Variants in LZTFL1 observed in about 807,000 individuals in gnomAD.
LZTFL1 encodes leucine zipper transcription factor-like protein 1.
Under a neutral mutation model 45.9 loss-of-function variants are expected in LZTFL1, and 25 were observed. The ratio of observed to expected loss-of-function variants is 0.54; its 90% CI spans 0.40 to 0.76. LZTFL1 has a LOEUF of 0.76. LZTFL1 is among the 30% of genes least tolerant of loss of function. The probability of loss-of-function intolerance (pLI) is 0.00; values close to 1 mark genes in which losing one functional copy is unlikely to be tolerated. For synonymous variants in LZTFL1, 93 were observed against 117.4 expected (o/e 0.79, Z 1.35); for missense variants, 277 against 331.1 (o/e 0.84, Z 1.27).
chr3:45,826,755 T>A (rs746646898), intron 9 of LZTFL1, among the ~76,000 whole-genome samples: 1 of 152,224 alleles, frequency 6.6e-6, no homozygotes, highest in East Asian at 1.9e-4. Context: ...AAACATCTGA[T>A]GACCACATCT....
chr3:45,895,379 T>C (rs987832831), intron 2 of LZTFL1, among the ~76,000 whole-genome samples: 1 of 152,218 alleles, frequency 6.6e-6, no homozygotes, highest in Non-Finnish European at 1.5e-5. Flanking sequence ...CACGTAACAG[T>C]ATACATTCCC....
At chr3:45,855,967 C>T (rs907517774) in intron 3 of LZTFL1, among the ~76,000 whole-genome samples, 6 of 152,074 alleles carry the variant, frequency 3.9e-5, no homozygotes, top group Non-Finnish European at 7.4e-5. Flanking sequence ...TGAAAATGGC[C>T]ATACTGTCCA....
Position 45,823,372 on chromosome 3 carries a change from G to C in LZTFL1, c.*2942C>G, listed in dbSNP as rs1465161431. ...TGTAAAAGTTAAAGGATGTATTATAGGCAAAAAAGAGAGGAAGTTATACTT... is the reference window on the plus strand; with the variant it reads ...TGTAAAAGTTAAAGGATGTATTATACGCAAAAAAGAGAGGAAGTTATACTT... On this transcript the variant is annotated 3_prime_UTR_variant, in exon 10 of 10. Transcript: ENST00000296135. 1 of 151,846 alleles carries C rather than the reference G, an allele frequency of 6.6e-6. No individual in the cohort carries two copies. Among genetic ancestry groups the C allele is most frequent in the African/African-American group, 2.4e-5 (1 of 41,352 alleles). 9.4% of individuals were successfully genotyped at this position (151,846 alleles called of 1,614,324 possible). A position where few individuals can be genotyped will look rare whatever the true frequency, so the allele number is the denominator to read the frequency against.
At chr3:45,854,595 A>G (rs946984696) in intron 4 of LZTFL1, 9 of 154,912 alleles carry the variant, frequency 5.8e-5, no homozygotes, top group Non-Finnish European at 1.1e-4. Context: ...TGCATCCCCA[A>G]CCACACTTCT....
At chr3:45,829,866 G>A (rs1700770852) in intron 7 of LZTFL1, among the ~76,000 whole-genome samples, 1 of 152,132 alleles carries the variant, frequency 6.6e-6, no homozygotes, top group African/African-American at 2.4e-5. Context: ...GAACATTCGT[G>A]TTTTTATAAA....
At chr3:45,839,075 A>C (rs1701038402) in intron 1 of LZTFL1, among the ~76,000 whole-genome samples, 1 of 139,022 alleles carries the variant, frequency 7.2e-6, no homozygotes, top group Non-Finnish European at 1.5e-5. Flanking sequence ...ATTTGCTAAA[A>C]ACAAAGCATA....
At position 45,868,955 on chromosome 3, in the gene LZTFL1, C is replaced by A. The variant is rs140886208; in HGVS notation, c.-214-9939G>T. Among the ~76,000 whole-genome samples the A allele has an allele frequency of 4.4e-3, 673 of 152,294 alleles. 8 individuals are homozygous for A. Among genetic ancestry groups the A allele is most frequent in the African/African-American group, 0.015 (636 of 41,556 alleles). ...AGAAATGCAGACTCTCAGGCCCCAC[C>A]CCAGACCTACTGACTCAGAATCTGT... On this transcript the variant is annotated intron_variant, in intron 2 of 4. Transcript: ENST00000472635.
intron 3 of LZTFL1, chr3:45,835,378 T>C: frequency 5.9e-6 from 3 of 507,742 alleles, no homozygotes; most frequent in Non-Finnish European, 1.0e-5. Context: ...CGATGGCCTT[T>C]GTAATACCTA....
exon 1 of LZTFL1, chr3:45,915,519 C>G (rs1418323527): frequency 2.2e-6 from 1 of 456,390 alleles, no homozygotes; most frequent in Non-Finnish European, 4.4e-6. Flanking sequence ...GGGAGACCTC[C>G]TGAAATCATT....
intron 2 of LZTFL1, among the ~76,000 whole-genome samples, chr3:45,880,215 G>T (rs990886637): frequency 1.3e-5 from 2 of 152,198 alleles, no homozygotes; most frequent in African/African-American, 4.8e-5. Context: ...GTTAAAAATG[G>T]AAATCAGGCT....
intron 2 of LZTFL1, among the ~76,000 whole-genome samples, chr3:45,879,751 G>T (rs894669244): frequency 6.6e-6 from 1 of 152,150 alleles, no homozygotes; most frequent in Non-Finnish European, 1.5e-5. Context: ...CATGTGCTGC[G>T]GGAGCGGGTA....
At chr3:45,882,689 T>A (rs965948953) in intron 2 of LZTFL1, among the ~76,000 whole-genome samples, 4 of 152,160 alleles carry the variant, frequency 2.6e-5, no homozygotes, top group African/African-American at 7.2e-5. Flanking sequence ...GGGTCTTTTC[T>A]CTGTTACAGG....
At chr3:45,891,779 G>A (rs1404274941) in intron 2 of LZTFL1, among the ~76,000 whole-genome samples, 1 of 152,088 alleles carries the variant, frequency 6.6e-6, no homozygotes, top group East Asian at 1.9e-4. Flanking sequence ...ACCTGAGATG[G>A]TTTCTCAGTT....
intron 2 of LZTFL1, among the ~76,000 whole-genome samples, chr3:45,889,723 C>T (rs1702089178): frequency 6.6e-6 from 1 of 151,440 alleles, no homozygotes; most frequent in Non-Finnish European, 1.5e-5. Context: ...CATAAGTCTT[C>T]CTACATGTTG....
At chr3:45,828,996 T>C (rs943447345) in intron 7 of LZTFL1, among the ~76,000 whole-genome samples, 8 of 152,170 alleles carry the variant, frequency 5.3e-5, no homozygotes, top group Non-Finnish European at 1.0e-4. Context: ...TTCAAAATGA[T>C]AGAAAAAATG....
chr3:45,912,813 C>T (rs754227705), intron 2 of LZTFL1, among the ~76,000 whole-genome samples: 6 of 152,112 alleles, frequency 3.9e-5, no homozygotes, highest in East Asian at 3.8e-4. Flanking sequence ...CCTGCATATT[C>T]GTGAGCAAAA....
At chr3:45,883,221 T>A (rs1364387861) in intron 2 of LZTFL1, among the ~76,000 whole-genome samples, 1 of 152,200 alleles carries the variant, frequency 6.6e-6, no homozygotes, top group Non-Finnish European at 1.5e-5. Flanking sequence ...TTCTGCAAAG[T>A]TTTTATTCAT....
At chr3:45,897,757 T>G in intron 2 of LZTFL1, 1 of 610,082 alleles carries the variant, frequency 1.6e-6, no homozygotes, top group Non-Finnish European at 2.8e-6. Flanking sequence ...CTCCCTTGCC[T>G]TCTTCTTTCT....
At chr3:45,858,119 G>A (rs1009346598) in intron 3 of LZTFL1, among the ~76,000 whole-genome samples, 1 of 152,094 alleles carries the variant, frequency 6.6e-6, no homozygotes, top group Admixed American at 6.6e-5. Context: ...CAATTTTCAA[G>A]AAGGAAAATC....
Sources: allele counts gnomAD v4.1 joint callset (sites outside exome capture counted in the v4.1 genomes callset), GRCh38; gene constraint gnomAD v4.1.1; transcripts MANE v1.5; gene names NCBI Gene and HGNC (gene_info 2026-07-23, HGNC 2026-07-21).